RPL4: variants seen among roughly 807,000 people sequenced by gnomAD.
The protein encoded by RPL4 is ribosomal protein L4.
RPL4 carries 3 observed loss-of-function variants against 47.7 expected under a neutral mutation model. The observed-to-expected ratio is 0.06, with a 90% CI of 0.03 to 0.16. RPL4 has a LOEUF of 0.16. Among genes scored for constraint, RPL4 ranks in the 10% least tolerant of loss-of-function variants. The pLI is 1.00. For synonymous variants in RPL4, 208 were observed against 182.1 expected (o/e 1.14, Z -1.15); for missense variants, 413 against 551.3 (o/e 0.75, Z 2.51).
At chr15:66,503,976 C>T (rs1893687676) in intron 1 of RPL4, among the ~76,000 whole-genome samples, 1 of 152,276 alleles carries the variant, frequency 6.6e-6, no homozygotes, top group South Asian at 2.1e-4. Flanking sequence ...CCAAGTCTTC[C>T]CAACTGTGAG....
At chr15:66,501,972 ATC>A in intron 4 of RPL4, 60 bp from the exon 5 acceptor site, 1 of 1,566,992 alleles carries the variant, frequency 6.4e-7, no homozygotes, top group African/African-American at 1.4e-5. Context: ...AAAAAAAAAA[ATC>A]AAACATTTTA....
intron 4 of RPL4, 198 bp downstream of exon 4, chr15:66,502,414 C>G (rs936357904): frequency 1.7e-6 from 1 of 603,310 alleles, no homozygotes; most frequent in East Asian, 3.0e-5. Flanking sequence ...CATTTGATAA[C>G]TGAATGCACT....
intron 4 of RPL4, 48 bp downstream of exon 4, chr15:66,502,564 G>A: frequency 6.3e-7 from 1 of 1,580,504 alleles, no homozygotes; most frequent in African/African-American, 1.4e-5. Context: ...TCAAATAGTA[G>A]GTGTCTTATT....
chr15:66,500,752 A>G (rs1333333799), intron 7 of RPL4, 197 bp downstream of exon 7: 5 of 640,696 alleles, frequency 7.8e-6, no homozygotes, highest in Non-Finnish European at 1.3e-5. Context: ...ACTACACTCC[A>G]GCGTGGGTGA....
At chr15:66,502,953 C>G (rs1567035344) in intron 3 of RPL4, 105 bp downstream of exon 3, 1 of 1,337,504 alleles carries the variant, frequency 7.5e-7, no homozygotes, top group Non-Finnish European at 1.1e-6. Context: ...CTCTTCAAGA[C>G]AAAAAAAAGT....
In RPL4 at chr15:66,501,059, A is replaced by G. The variant is rs759851751; in HGVS notation, c.723T>C (p.Ala241=). The G allele has an allele frequency of 7.9e-5, 127 of 1,614,048 alleles. No individual in the cohort carries two copies. Among genetic ancestry groups the G allele is most frequent in the South Asian group, 2.0e-4 (18 of 91,078 alleles). Residue 241 remains alanine (A), a synonymous_variant, in exon 7 of 10, where the codon GCT becomes GCC. Coordinates refer to ENST00000307961, the MANE Select transcript of RPL4 (RefSeq NM_000968.4). ...NVSKLNILKL[A]PGGHVGRFCI... The stretch of plus-strand genomic sequence containing the variant: ...AGAAACGTCCCACATGCCCACCAGG[A>G]GCAAGCTTCAAAATGTTCAGCTTGC...
rs1018082669 is a variant in RPL4, at chr15:66,499,243, A to G, written c.*164T>C. 1.0e-5 allele frequency: 8 copies of G among 780,832 alleles called. No individual in the cohort carries two copies. In the Admixed American group the frequency reaches 1.3e-4, roughly 13 times the overall value. The allele number at this position is 780,832 out of a possible 1,614,324, so 48.4% of individuals were successfully genotyped here. On this transcript the variant is annotated 3_prime_UTR_variant, in exon 10 of 10. Transcript: ENST00000307961. ...TTTTATACCACACTATATAAAATGT[A>G]ACAGTCTAAATTATGGCCAACAAAA...
chr15:66,500,300 C>A lies in RPL4; in HGVS notation c.910G>T (p.Ala304Ser). Residue 304 changes from alanine (A) to serine (S), a missense_variant, in exon 8 of 10, where the codon GCA becomes TCA. This residue lies in a region of RPL4 where 214 missense variants were observed against 304.2 expected (regional missense o/e 0.70). Transcript: ENST00000307961. Reference protein sequence around the residue: ...KSPEIQRALRAPRKKIHRRVL... With the variant: ...KSPEIQRALRSPRKKIHRRVL... Reference sequence around the variant, plus strand: ...CTCTAAGTATCACTTTACCGTGGTGCTCGAAGGGCTCTTTGGATCTCTGGG... The same window carrying A: ...CTCTAAGTATCACTTTACCGTGGTGATCGAAGGGCTCTTTGGATCTCTGGG... 6.2e-7 allele frequency: 1 copy of A among 1,614,138 alleles called. No individual in the cohort carries two copies. Among genetic ancestry groups the A allele is most frequent in the Non-Finnish European group, 8.5e-7 (1 of 1,180,004 alleles).
At chr15:66,502,200 CCT>C (rs112663147) in intron 4 of RPL4, 140 of 485,474 alleles carry the variant, frequency 2.9e-4, no homozygotes, top group African/African-American at 1.9e-3. Flanking sequence ...GCTAGTATTC[CCT>C]GATTGATTTG....
intron 7 of RPL4, 136 bp downstream of exon 7, chr15:66,500,813 C>T: frequency 9.7e-7 from 1 of 1,034,974 alleles, no homozygotes; most frequent in South Asian, 1.7e-5. Flanking sequence ...AAATATAGAC[C>T]AGGTGAGTCT....
chr15:66,500,235 T>C, intron 8 of RPL4, 58 bp downstream of exon 8: 1 of 1,613,526 alleles, frequency 6.2e-7, no homozygotes, highest in Non-Finnish European at 8.5e-7. Context: ...ATACAAATTT[T>C]TGAAACAACC....
At chr15:66,504,284 T>C (rs990837374) in intron 1 of RPL4, among the ~76,000 whole-genome samples, 1 of 152,182 alleles carries the variant, frequency 6.6e-6, no homozygotes. Context: ...GTCAGGACAG[T>C]GTCTGTTTTG....
rs1249509092 is a variant in RPL4 at position 66,503,409 on chromosome 15, T to C, written c.124A>G (p.Thr42Ala). The C allele has an allele frequency of 6.2e-7, 1 of 1,611,236 alleles. No homozygotes were observed. Among genetic ancestry groups the C allele is most frequent in the Admixed American group, 1.7e-5 (1 of 59,996 alleles). Residue 42 changes from threonine to alanine, a missense_variant, in exon 2 of 10, where the codon ACC (threonine) becomes GCC (alanine). Thr to Ala is a moderately conservative substitution (Grantham distance 58). This residue lies in a region of RPL4 where 56 missense variants were observed against 70.6 expected (regional missense o/e 0.79). Coordinates refer to ENST00000307961, the MANE Select transcript of RPL4 (RefSeq NM_000968.4). ...TGTCTGTTGTTTTTGCGCAAGTTGG[T>C]GTGAACAAAGTTCACAATATCTGGT... is the stretch of plus-strand genomic sequence containing the variant. ...IRPDIVNFVH[T>A]NLRKNNRQPY...
intron 7 of RPL4, 144 bp from the exon 8 acceptor site, chr15:66,500,520 G>GAGCCACCACACC: frequency 1.4e-6 from 1 of 733,806 alleles, no homozygotes; most frequent in Non-Finnish European, 2.3e-6. Flanking sequence ...CAGGCCGGGT[G>GAGCCACCACACC]TGGTGGCTCA....
At position 66,501,181 on chromosome 15, in the gene RPL4, C is replaced by G. The variant is rs1270632593; in HGVS notation, c.677-76G>C. ...ACAAATCATCTTTATGGCTTAAGAG[C>G]TATAAAAGGTACCTGAGAACTTATT... On this transcript the variant is annotated intron_variant, in intron 6 of 9. Coordinates refer to ENST00000307961, the MANE Select transcript of RPL4 (RefSeq NM_000968.4). 412 of 1,585,570 alleles carry G rather than the reference C, an allele frequency of 2.6e-4. 3 individuals carry two copies. The highest frequency in any genetic ancestry group is 3.2e-5 in the Non-Finnish European group (37 of 1,155,836).
Position 66,501,778 on chromosome 15 carries a change from T to C in RPL4, c.546+10A>G, listed in dbSNP as rs372189176. On this transcript the variant is annotated intron_variant, in intron 5 of 9. Coordinates refer to ENST00000307961, the MANE Select transcript of RPL4 (RefSeq NM_000968.4). ...GAGTACCAAACTGTAAATGTGCTCA[T>C]TGAACGGACCTTTTTGATATCATTC... 6.8e-5 allele frequency: 110 copies of C among 1,606,220 alleles called. No individual in the cohort carries two copies. The highest frequency in any genetic ancestry group is 4.5e-4 in the Middle Eastern group (2 of 4,400).
chr15:66,501,959 A>AG (rs1239768636), intron 4 of RPL4, 47 bp from the exon 5 acceptor site: 2 of 1,577,558 alleles, frequency 1.3e-6, no homozygotes, highest in Non-Finnish European at 1.7e-6. Context: ...AAACTTTTGG[A>AG]GAAAAAAAAA....
rs564679123 is a variant in RPL4 at position 66,502,959 on chromosome 15, A to G, written c.282+99T>C. On this transcript the variant is annotated intron_variant, in intron 3 of 9. Transcript: ENST00000307961. ...AAGCCCCTTCTCTTCAAGACAAAAAAAAGTAATATTTTTACACCGTATTAT... is the reference window on the plus strand; with the variant it reads ...AAGCCCCTTCTCTTCAAGACAAAAAGAAGTAATATTTTTACACCGTATTAT... The G allele has an allele frequency of 8.8e-6, 12 of 1,366,530 alleles. No homozygotes were observed. The East Asian group carries it at 2.3e-4, about 26-fold the overall frequency. The allele number at this position is 1,366,530 out of a possible 1,614,324, so 84.7% of individuals were successfully genotyped here.
chr15:66,504,349 T>C (rs757960147), intron 1 of RPL4, among the ~76,000 whole-genome samples: 3 of 152,198 alleles, frequency 2.0e-5, no homozygotes, highest in Non-Finnish European at 4.4e-5. Context: ...ACACTATTTG[T>C]GGAAAAGCAG....
Sources: gnomAD v4.1 joint callset for allele counts (sites outside exome capture counted in the v4.1 genomes callset) on GRCh38, gnomAD v4.1.1 for gene constraint, gnomAD v4.1.1 regional missense constraint, MANE v1.5 for transcripts, NCBI Gene and HGNC (gene_info 2026-07-23, HGNC 2026-07-21) for gene names.